ATP7B: variants seen among roughly 807,000 people sequenced by gnomAD.
ATP7B encodes the protein copper-transporting ATPase 2.
In ATP7B, 113 loss-of-function variants were observed where a neutral mutation model predicts 118.9. That is an observed-to-expected ratio of 0.95 (90% CI 0.82 to 1.11). ATP7B has a LOEUF of 1.11. Ranked by LOEUF, ATP7B falls within the 50% of genes most tolerant of loss-of-function variation. ATP7B has a pLI of 0.00. For synonymous variants in ATP7B, 777 were observed against 727.4 expected (o/e 1.07, Z -1.10); for missense variants, 1,867 against 1,871.4 (o/e 1.00, Z 0.04).
intron 1 of ATP7B, among the ~76,000 whole-genome samples, chr13:52,004,119 G>A (rs559270633): frequency 2.6e-5 from 4 of 152,160 alleles, no homozygotes; most frequent in Middle Eastern, 3.4e-3. Context: ...AAAATTAGCC[G>A]GGCATGGTGG....
At position 51,974,050 on chromosome 13, in the gene ATP7B, T is replaced by C; in HGVS notation, c.1170A>G (p.Ile390Met). ...CAGTCCCTTCGGCCAAAGACACCGATATTTGCTGCACCCCTTCCAGTTGGG... is the reference window on the plus strand; with the variant it reads ...CAGTCCCTTCGGCCAAAGACACCGACATTTGCTGCACCCCTTCCAGTTGGG... ...MISQLEGVQQ[I>M]SVSLAEGTAT... Residue 390 changes from isoleucine to methionine, a missense_variant, in exon 2 of 21, where the codon ATA becomes ATG. Transcript: ENST00000242839. 2 of 1,614,208 alleles carry C rather than the reference T, an allele frequency of 1.2e-6. No homozygotes were observed. The highest frequency in any genetic ancestry group is 1.7e-6 in the Non-Finnish European group (2 of 1,180,048).
chr13:51,969,380 A>G (rs774064493), intron 3 of ATP7B, among the ~76,000 whole-genome samples: 49 of 151,980 alleles, frequency 3.2e-4, no homozygotes, highest in South Asian at 1.0e-3. Flanking sequence ...GAAGACACCA[A>G]TGAAATAAGG....
intron 16 of ATP7B, 116 bp from the exon 17 acceptor site, chr13:51,939,309 TTATA>T: frequency 6.8e-7 from 1 of 1,475,862 alleles, no homozygotes; most frequent in Non-Finnish European, 9.2e-7. Context: ...AAACATCAAA[TTATA>T]TAACACAATG....
chr13:51,956,263 G>A (rs1359236413), intron 9 of ATP7B, among the ~76,000 whole-genome samples: 1 of 151,920 alleles, frequency 6.6e-6, no homozygotes, highest in Non-Finnish European at 1.5e-5. Context: ...CCTGGGGCGT[G>A]CCCAGGGCCA....
At chr13:52,005,919 C>G (rs763030746) in intron 1 of ATP7B, among the ~76,000 whole-genome samples, 5 of 152,136 alleles carry the variant, frequency 3.3e-5, no homozygotes, top group African/African-American at 9.7e-5. Flanking sequence ...ATGGCCGTAA[C>G]GCCCACGCTG....
intron 4 of ATP7B, chr13:51,966,669 G>T: frequency 1.6e-6 from 2 of 1,236,520 alleles, no homozygotes; most frequent in Admixed American, 4.5e-5. Flanking sequence ...TTTAAAAAAA[G>T]AACACTACAG....
chr13:51,972,032 C>A (rs1432600711), intron 2 of ATP7B, among the ~76,000 whole-genome samples: 1 of 152,244 alleles, frequency 6.6e-6, no homozygotes, highest in Non-Finnish European at 1.5e-5. Flanking sequence ...CACGCACGGG[C>A]AGGGCCCATG....
intron 2 of ATP7B, among the ~76,000 whole-genome samples, chr13:51,972,748 C>T (rs1410528839): frequency 1.3e-5 from 2 of 152,188 alleles, no homozygotes; most frequent in Non-Finnish European, 2.9e-5. Flanking sequence ...GCCTGCAATC[C>T]CAGCACTTTG....
rs537286819 is a variant in ATP7B, at chr13:51,995,627, G to C, written c.51+15660C>G. ...GCAGACTATTTGGTTGTGTTAGAGA[G>C]AAATGCTTTAGAAGTGTCCTCCTAA... On this transcript the variant is annotated intron_variant, in intron 1 of 20. Coordinates refer to ENST00000242839, the MANE Select transcript of ATP7B (RefSeq NM_000053.4). Among the ~76,000 whole-genome samples the C allele has an allele frequency of 7.9e-5, 12 of 152,328 alleles. 2 individuals carry two copies. The South Asian group carries it at 2.5e-3, about 32-fold the overall frequency.
rs768833241 is a variant in ATP7B, at chr13:51,934,845, T to A, written c.4309A>T (p.Lys1437Ter). ...GCTGCAGCGCTGTGCCGAGATGGCT[T>A]GTCGGACGTCAGGGAGGACAGCGAC... ...QVSLSSLTSD[K>*]PSRHSAAADD... Residue 1437 changes from lysine to a stop codon, truncating the protein, a stop_gained, in exon 21 of 21, where the codon AAG becomes TAG. Transcript: ENST00000242839. LOFTEE classifies it high-confidence loss of function. 3 of 1,614,094 alleles carry A rather than the reference T, an allele frequency of 1.9e-6. No individual in the cohort carries two copies. The highest frequency in any genetic ancestry group is 1.7e-6 in the Non-Finnish European group (2 of 1,180,042).
At position 51,970,737 on chromosome 13, in the gene ATP7B, G is replaced by C. The variant is rs763788226; in HGVS notation, c.1298C>G (p.Thr433Ser). 1.2e-6 allele frequency: 2 copies of C among 1,613,664 alleles called. No individual in the cohort carries two copies. Among genetic ancestry groups the C allele is most frequent in the Non-Finnish European group, 1.7e-6 (2 of 1,179,694 alleles). The change falls in exon 3 of 21, where the codon ACT (threonine) becomes AGT (serine). Residue 433 changes from threonine to serine, a missense_variant. Coordinates refer to ENST00000242839, the MANE Select transcript of ATP7B (RefSeq NM_000053.4). The stretch of plus-strand genomic sequence containing the variant: ...AGCACTGTGGTTTCCAAGAGGGTTA[G>C]TAGAACAGCTTTCTAGGATAAAATG... ...EASVVSESCS[T>S]NPLGNHSAGN...
chr13:52,002,906 T>C (rs1300747294), intron 1 of ATP7B, among the ~76,000 whole-genome samples: 1 of 152,222 alleles, frequency 6.6e-6, no homozygotes, highest in African/African-American at 2.4e-5. Flanking sequence ...ATGCTAACAA[T>C]CATCTGAGCT....
At chr13:51,962,004 T>A in intron 5 of ATP7B, 91 bp from the exon 6 acceptor site, 1 of 1,123,854 alleles carries the variant, frequency 8.9e-7, no homozygotes, top group Non-Finnish European at 1.3e-6. Context: ...GCTTTGGAAA[T>A]TAGAAAGTGA....
rs1356105604 is a variant in ATP7B at position 51,934,540 on chromosome 13, C to T, written c.*216G>A. On this transcript the variant is annotated 3_prime_UTR_variant, in exon 21 of 21. Transcript: ENST00000242839. ...AAGACAAAGCCCATGCTGACGGTCC[C>T]GTGAGGCCAAGAGGCAGGCAGGGCC... 7 of 692,478 alleles carry T rather than the reference C, an allele frequency of 1.0e-5. No individual in the cohort carries two copies. Among genetic ancestry groups the T allele is most frequent in the South Asian group, 1.8e-5 (1 of 56,230 alleles). 42.9% of individuals were successfully genotyped at this position (692,478 alleles called of 1,614,324 possible). A position where few individuals can be genotyped will look rare whatever the true frequency, so the allele number is the denominator to read the frequency against.
chr13:51,937,173 T>A, intron 19 of ATP7B, 103 bp downstream of exon 19: 1 of 1,129,152 alleles, frequency 8.9e-7, no homozygotes, highest in Non-Finnish European at 1.3e-6. Context: ...CTAAAACGCC[T>A]CTAGCCAGCC....
chr13:51,950,053 G>C lies in ATP7B; in HGVS notation c.2684C>G (p.Thr895Ser). ...IKATHVGNDT[T>S]LAQIVKLVEE... ...CACCAGTTTCACAATCTGAGCCAAA[G>C]TGGTGTCATTGCCCACGTGGGTAGC... Residue 895 changes from threonine to serine, a missense_variant, in exon 11 of 21, where the codon ACT becomes AGT. Coordinates refer to ENST00000242839, the MANE Select transcript of ATP7B (RefSeq NM_000053.4). 1 of 1,614,198 alleles carries C rather than the reference G, an allele frequency of 6.2e-7. No individual in the cohort carries two copies. Among genetic ancestry groups the C allele is most frequent in the South Asian group, 1.1e-5 (1 of 91,086 alleles).
chr13:51,973,270 G>A (rs2031764510), intron 2 of ATP7B, among the ~76,000 whole-genome samples: 1 of 152,188 alleles, frequency 6.6e-6, no homozygotes, highest in African/African-American at 2.4e-5. Context: ...TCAGGATACA[G>A]AATCAGAATT....
At chr13:51,994,766 G>A (rs1283113889) in intron 1 of ATP7B, among the ~76,000 whole-genome samples, 3 of 152,152 alleles carry the variant, frequency 2.0e-5, no homozygotes, top group East Asian at 1.9e-4. Flanking sequence ...ACTAGTAAAT[G>A]CCTTCAAAAG....
At chr13:52,004,488 A>G (rs1231932332) in intron 1 of ATP7B, among the ~76,000 whole-genome samples, 1 of 152,220 alleles carries the variant, frequency 6.6e-6, no homozygotes, top group Non-Finnish European at 1.5e-5. Context: ...AACTCAATAT[A>G]AACAGTAAAA....
Sources: gnomAD v4.1 joint callset for allele counts (sites outside exome capture counted in the v4.1 genomes callset) on GRCh38, gnomAD v4.1.1 for gene constraint, MANE v1.5 for transcripts, NCBI Gene and HGNC (gene_info 2026-07-23, HGNC 2026-07-21) for gene names.